MYO5A: variants seen among roughly 807,000 people sequenced by gnomAD.
MYO5A encodes the protein unconventional myosin-Va.
In MYO5A, 98 loss-of-function variants were observed where a neutral mutation model predicts 249.7. The ratio of observed to expected loss-of-function variants is 0.39; its 90% CI spans 0.33 to 0.46. The LOEUF (loss-of-function observed/expected upper bound fraction) is 0.46. MYO5A is among the 20% of genes least tolerant of loss of function. The probability of loss-of-function intolerance (pLI) is 0.98; values close to 1 mark genes in which losing one functional copy is unlikely to be tolerated. For synonymous variants in MYO5A, 778 were observed against 810.6 expected (o/e 0.96, Z 0.68); for missense variants, 1,696 against 2,308.8 (o/e 0.73, Z 5.44).
At chr15:52,460,101 G>A (rs1004158326) in intron 1 of MYO5A, among the ~76,000 whole-genome samples, 2 of 151,798 alleles carry the variant, frequency 1.3e-5, no homozygotes, top group Non-Finnish European at 2.9e-5. Flanking sequence ...CGGCCAGGCA[G>A]AGACGCTCCT....
At chr15:52,473,592 C>G (rs2076525361) in intron 1 of MYO5A, among the ~76,000 whole-genome samples, 1 of 152,170 alleles carries the variant, frequency 6.6e-6, no homozygotes, top group African/African-American at 2.4e-5. Flanking sequence ...GGAAGGGATC[C>G]AGTTTCAGCT....
intron 1 of MYO5A, among the ~76,000 whole-genome samples, chr15:52,442,966 C>A (rs978455638): frequency 6.6e-6 from 1 of 152,102 alleles, no homozygotes; most frequent in East Asian, 1.9e-4. Context: ...TTAGCCAGGA[C>A]GGTCTCGATC....
intron 24 of MYO5A, among the ~76,000 whole-genome samples, chr15:52,364,251 A>G (rs959389647): frequency 3.9e-5 from 6 of 152,060 alleles, no homozygotes; most frequent in African/African-American, 1.4e-4. Context: ...AAAAAAACAA[A>G]AACAAAAACA....
intron 8 of MYO5A, among the ~76,000 whole-genome samples, chr15:52,405,948 C>A (rs575670685): frequency 1.3e-5 from 2 of 152,280 alleles, no homozygotes; most frequent in African/African-American, 4.8e-5. Context: ...CTTTAAACTA[C>A]AGACCAAGTA....
chr15:52,475,867 G>C (rs1446091668), intron 1 of MYO5A, among the ~76,000 whole-genome samples: 2 of 152,182 alleles, frequency 1.3e-5, no homozygotes, highest in Admixed American at 6.5e-5. Context: ...ATATTCTGTT[G>C]ATTTGGGGTG....
chr15:52,519,551 G>A (rs926560852), intron 1 of MYO5A, among the ~76,000 whole-genome samples: 22 of 151,874 alleles, frequency 1.4e-4, no homozygotes, highest in Non-Finnish European at 1.8e-4. Flanking sequence ...GTTCGAGGCT[G>A]CAGTGAGCTA....
At chr15:52,457,911 T>C (rs1455827083) in intron 1 of MYO5A, among the ~76,000 whole-genome samples, 1 of 152,172 alleles carries the variant, frequency 6.6e-6, no homozygotes, top group Non-Finnish European at 1.5e-5. Context: ...CATAATAGAA[T>C]ACTATTCGGC....
chr15:52,448,677 T>C (rs1332823234), intron 1 of MYO5A, among the ~76,000 whole-genome samples: 1 of 152,106 alleles, frequency 6.6e-6, no homozygotes, highest in Non-Finnish European at 1.5e-5. Flanking sequence ...GGTGACTGGA[T>C]CACGGGGGAG....
chr15:52,350,113 T>C (rs927459089), intron 28 of MYO5A, among the ~76,000 whole-genome samples: 17 of 152,164 alleles, frequency 1.1e-4, no homozygotes, highest in Non-Finnish European at 2.4e-4. Context: ...TTTGTATTTT[T>C]AGTAGAGATG....
At chr15:52,354,286 T>C (rs906744599) in intron 25 of MYO5A, among the ~76,000 whole-genome samples, 3 of 152,198 alleles carry the variant, frequency 2.0e-5, no homozygotes, top group Non-Finnish European at 4.4e-5. Flanking sequence ...TCATATGATA[T>C]TGGTGGAAGT....
Position 52,340,348 on chromosome 15 carries a change from C to T in MYO5A, c.4087G>A (p.Glu1363Lys), listed in dbSNP as rs753017514. ...ATCTCCCCACGGAGGGCCTCGGCCT[C>T]ATTCTCATGGCTCCTCTTCTGTGAC... ...LQSQKRSHEN[E>K]AEALRGEIQS... Residue 1363 changes from glutamate (E) to lysine (K), a missense_variant, in exon 32 of 42, where the codon GAG becomes AAG. Physicochemically the swap from Glu to Lys is moderately conservative, Grantham distance 56. Transcript: ENST00000399233. 2 of 1,613,894 alleles carry T rather than the reference C, an allele frequency of 1.2e-6. No individual in the cohort carries two copies. The highest frequency in any genetic ancestry group is 8.5e-7 in the Non-Finnish European group (1 of 1,180,040).
At chr15:52,335,779 CTATTTTTCCTCCA>C (rs1231801204) in intron 34 of MYO5A, among the ~76,000 whole-genome samples, 9 of 152,006 alleles carry the variant, frequency 5.9e-5, no homozygotes, top group Admixed American at 5.9e-4. Context: ...TTTTACTTCT[CTATTTTTCCTCCA>C]TTAGACTGTA....
chr15:52,522,869 C>T (rs979481379), intron 1 of MYO5A, among the ~76,000 whole-genome samples: 1 of 151,138 alleles, frequency 6.6e-6, no homozygotes, highest in African/African-American at 2.4e-5. Flanking sequence ...GCTAAAAGTA[C>T]CAGGAAGATC....
intron 9 of MYO5A, among the ~76,000 whole-genome samples, chr15:52,402,899 T>C (rs1299949536): frequency 6.6e-6 from 1 of 151,906 alleles, no homozygotes; most frequent in Non-Finnish European, 1.5e-5. Flanking sequence ...AAAAACTAAC[T>C]TAATCTCCAC....
At chr15:52,472,163 C>A (rs2076487126) in intron 1 of MYO5A, among the ~76,000 whole-genome samples, 1 of 151,884 alleles carries the variant, frequency 6.6e-6, no homozygotes, top group Admixed American at 6.6e-5. Context: ...ACTGCAAGCT[C>A]CGCCTCCCAG....
intron 1 of MYO5A, among the ~76,000 whole-genome samples, chr15:52,507,017 T>C (rs1288911496): frequency 6.6e-6 from 1 of 152,212 alleles, no homozygotes; most frequent in Non-Finnish European, 1.5e-5. Flanking sequence ...CTATTCCTTT[T>C]ATGAGAGAAG....
At chr15:52,376,580 T>C (rs2041426636) in intron 18 of MYO5A, 22 bp from the exon 19 acceptor site, 1 of 1,589,880 alleles carries the variant, frequency 6.3e-7, no homozygotes, top group African/African-American at 1.3e-5. Flanking sequence ...AGAAATTGTA[T>C]ATTCAGAAAT....
At chr15:52,522,114 T>C (rs1182448846) in intron 1 of MYO5A, among the ~76,000 whole-genome samples, 1 of 152,202 alleles carries the variant, frequency 6.6e-6, no homozygotes, top group Admixed American at 6.5e-5. Context: ...ATAGCATTCA[T>C]TTCGGAAAAA....
At chr15:52,500,034 C>G (rs2077121499) in intron 1 of MYO5A, among the ~76,000 whole-genome samples, 1 of 152,042 alleles carries the variant, frequency 6.6e-6, no homozygotes, top group Non-Finnish European at 1.5e-5. Context: ...GCGTAGGTGA[C>G]AGAGGAATAC....
Sources: allele counts gnomAD v4.1 joint callset (sites outside exome capture counted in the v4.1 genomes callset), GRCh38; gene constraint gnomAD v4.1.1; transcripts MANE v1.5; gene names NCBI Gene and HGNC (gene_info 2026-07-23, HGNC 2026-07-21).